Variants in C12orf76 observed in about 807,000 individuals in gnomAD.
The protein encoded by C12orf76 is uncharacterized protein C12orf76.
C12orf76 carries 6 observed loss-of-function variants against 6.8 expected under a neutral mutation model. The observed-to-expected ratio is 0.88, with a 90% CI of 0.48 to 1.73. The LOEUF (loss-of-function observed/expected upper bound fraction) is 1.73. C12orf76 is among the 40% of genes most tolerant of loss of function. The pLI, the probability that C12orf76 is intolerant of heterozygous loss-of-function variation, is 0.01. For missense variants in C12orf76, 99 were observed against 98.2 expected, an observed-to-expected ratio of 1.01 and a Z score of -0.03; for synonymous variants, 56 against 43.7, an observed-to-expected ratio of 1.28 and a Z score of -1.11.
At chr12:110,065,302 C>A (rs1892840098) in intron 2 of C12orf76, among the ~76,000 whole-genome samples, 1 of 151,890 alleles carries the variant, frequency 6.6e-6, no homozygotes, top group Admixed American at 6.6e-5. Context: ...TCCCGAGTAG[C>A]TGGGATTACA....
chr12:110,048,461 C>G lies in C12orf76; in HGVS notation c.35G>C (p.Gly12Ala). ...LRPALPWLYL[G>A]LCSLLVGEAE... The stretch of plus-strand genomic sequence containing the variant: ...CTCCCCCACCAGGAGGCTGCAGAGG[C>G]CAAGGTACAGCCACGGTAACGCTGG... Residue 12 changes from glycine to alanine, a missense_variant, in exon 1 of 2, where the codon GGC (glycine) becomes GCC (alanine). Gly to Ala is a moderately conservative substitution (Grantham distance 60). Transcript: ENST00000615315. 6.7e-7 allele frequency: 1 copy of G among 1,494,636 alleles called. No homozygotes were observed. Among genetic ancestry groups the G allele is most frequent in the Non-Finnish European group, 8.9e-7 (1 of 1,126,180 alleles). 92.6% of individuals were successfully genotyped at this position (1,494,636 alleles called of 1,614,324 possible). A position where few individuals can be genotyped will look rare whatever the true frequency, so the allele number is the denominator to read the frequency against.
upstream of C12orf76, among the ~76,000 whole-genome samples, chr12:110,069,889 A>G (rs1490102711): frequency 6.6e-6 from 1 of 152,222 alleles, no homozygotes; most frequent in African/African-American, 2.4e-5. Flanking sequence ...CATCATGTGA[A>G]AGAAAAATAT....
upstream of C12orf76, among the ~76,000 whole-genome samples, chr12:110,051,679 C>T (rs1052458466): frequency 8.5e-4 from 129 of 152,180 alleles, no homozygotes; most frequent in African/African-American, 2.9e-3. Flanking sequence ...CCTGCCTTGG[C>T]CTTCCAAAGT....
rs141813127 is a variant in C12orf76, at chr12:110,062,589, T to G, written n.380+3271A>C. Among the ~76,000 whole-genome samples, 60 of 151,954 alleles carry G rather than the reference T, an allele frequency of 3.9e-4. No individual in the cohort carries two copies. The East Asian group carries it at 6.4e-3, about 16-fold the overall frequency. ...GATTTTATGATATGTAAGTTATACC[T>G]CAATAAAGTTGAGAAAAATATAGAA... is the stretch of plus-strand genomic sequence containing the variant. On this transcript the variant is annotated intron_variant and non_coding_transcript_variant, in intron 2 of 4. Transcript: ENST00000309050.
upstream of C12orf76, chr12:110,050,842 C>T (rs1221821089): frequency 1.3e-5 from 8 of 604,720 alleles, no homozygotes; most frequent in Non-Finnish European, 1.5e-5. Flanking sequence ...TTCTTTCTTG[C>T]GCTAGATCCA....
At chr12:110,048,290 T>C (rs895894980) in intron 1 of C12orf76, 73 bp downstream of exon 1, 1 of 1,429,326 alleles carries the variant, frequency 7.0e-7, no homozygotes, top group Non-Finnish European at 9.2e-7. Flanking sequence ...GCTCCGTACA[T>C]GCCCGGCTCC....
upstream of C12orf76, chr12:110,051,254 T>C (rs1892570474): frequency 1.3e-6 from 1 of 746,266 alleles, no homozygotes; most frequent in East Asian, 2.5e-5. Context: ...GTTCCAATCC[T>C]AGCTCGGCTG....
At chr12:110,059,306 A>G (rs1892730088) in intron 2 of C12orf76, 2 of 1,034,862 alleles carry the variant, frequency 1.9e-6, no homozygotes, top group African/African-American at 1.6e-5. Context: ...GGATTGTGCC[A>G]TCTGTGATTA....
intron 1 of C12orf76, among the ~76,000 whole-genome samples, chr12:110,047,008 C>G (rs570562637): frequency 8.5e-5 from 13 of 152,194 alleles, no homozygotes; most frequent in African/African-American, 3.1e-4. Flanking sequence ...TGTGTGGAAA[C>G]TATTTAGTAG....
intron 2 of C12orf76, among the ~76,000 whole-genome samples, chr12:110,065,625 C>T (rs944951293): frequency 2.0e-5 from 3 of 152,160 alleles, no homozygotes; most frequent in African/African-American, 7.2e-5. Context: ...CAGCCCAAGT[C>T]TCCATCCCTT....
chr12:110,056,085 A>AG (rs1892662435), intron 4 of C12orf76, among the ~76,000 whole-genome samples: 1 of 152,020 alleles, frequency 6.6e-6, no homozygotes, highest in African/African-American at 2.4e-5. Context: ...AAAAAAAAAA[A>AG]AAAGTTTCAG....
At chr12:110,057,417 A>G (rs1376210514) in intron 3 of C12orf76, 16 of 682,478 alleles carry the variant, frequency 2.3e-5, no homozygotes, top group Non-Finnish European at 3.5e-5. Flanking sequence ...CCTAAAGAAC[A>G]GTGGCGCCGG....
intron 2 of C12orf76, among the ~76,000 whole-genome samples, chr12:110,065,161 TA>T (rs1892837038): frequency 6.6e-6 from 1 of 151,160 alleles, no homozygotes; most frequent in African/African-American, 2.4e-5. Context: ...TATATGTGCA[TA>T]TATATATATA....
rs1201269289 is a variant in C12orf76 at position 110,059,028 on chromosome 12, G to T, written n.516C>A. ...GAACAAACTGTGGTATGAATGAAGCGAGAAGCTTGTCCAAGGTCACATGGT... is the reference window on the plus strand; with the variant it reads ...GAACAAACTGTGGTATGAATGAAGCTAGAAGCTTGTCCAAGGTCACATGGT... On this transcript the variant is annotated non_coding_transcript_exon_variant, in exon 3 of 5. Transcript: ENST00000309050. 13 of 1,551,494 alleles carry T rather than the reference G, an allele frequency of 8.4e-6. No individual in the cohort carries two copies. In the Admixed American group the frequency reaches 2.6e-4, roughly 30 times the overall value.
Position 110,054,977 on chromosome 12 carries a change from G to T in C12orf76, n.664+2212C>A, listed in dbSNP as rs1380560076. On this transcript the variant is annotated intron_variant and non_coding_transcript_variant, in intron 4 of 4. Transcript: ENST00000309050. The surrounding 1 kb of genome is among the most constrained non-coding windows in gnomAD (Gnocchi z 4.4). ...TGCAGCCACTGTGCCTGGCTGCAGG[G>T]TGTTTATAAAGGGAAAGGTCAGAGA... is the stretch of plus-strand genomic sequence containing the variant. Among the ~76,000 whole-genome samples, 1 of 151,978 alleles carries T rather than the reference G, an allele frequency of 6.6e-6. No homozygotes were observed. Among genetic ancestry groups the T allele is most frequent in the Non-Finnish European group, 1.5e-5 (1 of 68,000 alleles).
intron 3 of C12orf76, chr12:110,058,852 T>A: frequency 2.0e-6 from 2 of 1,003,034 alleles, no homozygotes; most frequent in East Asian, 5.3e-5. Flanking sequence ...TTGGTAACCC[T>A]AATATGTCCT....
At chr12:110,046,784 C>T (rs1044671104) in intron 1 of C12orf76, among the ~76,000 whole-genome samples, 6 of 152,146 alleles carry the variant, frequency 3.9e-5, no homozygotes, top group African/African-American at 7.2e-5. Flanking sequence ...GGGGATTTGG[C>T]GTACCGTGGA....
upstream of C12orf76, chr12:110,048,702 T>C: frequency 8.1e-7 from 1 of 1,231,292 alleles, no homozygotes; most frequent in Non-Finnish European, 1.0e-6. Context: ...CCGGACCAAC[T>C]TTCCGTTCAG....
upstream of C12orf76, chr12:110,051,280 T>G (rs1287901696): frequency 4.2e-6 from 3 of 717,674 alleles, no homozygotes; most frequent in Non-Finnish European, 7.6e-6. Context: ...CTTGCTTCCG[T>G]GTGACTCGTT....
Sources: gnomAD v4.1 joint callset for allele counts (sites outside exome capture counted in the v4.1 genomes callset) on GRCh38, gnomAD v4.1.1 for gene constraint, Gnocchi (gnomAD v3.1) non-coding constraint, MANE v1.5 for transcripts, NCBI Gene and HGNC (gene_info 2026-07-23, HGNC 2026-07-21) for gene names.